The following MINAR1 variants were observed in gnomAD, a reference collection of about 807,000 sequenced individuals.
The protein encoded by MINAR1 is major intrinsically disordered Notch2-binding receptor 1.
Under a neutral mutation model 65.1 loss-of-function variants are expected in MINAR1, and 40 were observed. The ratio of observed to expected loss-of-function variants is 0.61; its 90% CI spans 0.48 to 0.80. MINAR1 has a LOEUF of 0.80. Ranked by LOEUF, MINAR1 falls within the 30% of genes least tolerant of loss-of-function variation. The pLI, the probability that MINAR1 is intolerant of heterozygous loss-of-function variation, is 0.00. For missense variants in MINAR1, 1,128 were observed against 1,148.0 expected (o/e 0.98, Z 0.25); for synonymous variants, 482 against 449.1 (o/e 1.07, Z -0.93).
intron 1 of MINAR1, among the ~76,000 whole-genome samples, chr15:79,453,371 C>T (rs1018310115): frequency 1.3e-5 from 2 of 152,100 alleles, no homozygotes; most frequent in African/African-American, 4.8e-5. Context: ...ATACAGGACC[C>T]CCAGCAACTC....
At position 79,457,228 on chromosome 15, in the gene MINAR1, C is replaced by G. The variant is rs1202714758; in HGVS notation, c.1081C>G (p.Gln361Glu). 1 of 1,614,058 alleles carries G rather than the reference C, an allele frequency of 6.2e-7. No homozygotes were observed. Among genetic ancestry groups the G allele is most frequent in the East Asian group, 2.2e-5 (1 of 44,870 alleles). ...ARRCLGKPNK[Q>E]TPWPAKSWSL... ...GCGCTGTCTAGGGAAGCCCAACAAG[C>G]AGACTCCCTGGCCAGCCAAAAGCTG... Residue 361 changes from glutamine (Q) to glutamate (E), a missense_variant, in exon 2 of 4, where the codon CAG becomes GAG. Coordinates refer to ENST00000305428, the MANE Select transcript of MINAR1 (RefSeq NM_015206.3).
chr15:79,437,273 C>T (rs948444267), intron 1 of MINAR1, among the ~76,000 whole-genome samples: 10 of 152,108 alleles, frequency 6.6e-5, no homozygotes, highest in Admixed American at 2.0e-4. Context: ...CTTTTGGCTA[C>T]GTGAGTGCAG....
upstream of MINAR1, among the ~76,000 whole-genome samples, chr15:79,428,615 A>G (rs927798128): frequency 1.3e-5 from 2 of 151,240 alleles, no homozygotes; most frequent in African/African-American, 4.9e-5. Flanking sequence ...TCCACTTTCC[A>G]TTTATCTCAT....
chr15:79,452,226 TATGA>T (rs1895231331), intron 1 of MINAR1, among the ~76,000 whole-genome samples: 1 of 151,914 alleles, frequency 6.6e-6, no homozygotes, highest in Non-Finnish European at 1.5e-5. Flanking sequence ...TGAGAGTGTG[TATGA>T]ATGTGTTGTG....
In MINAR1 at chr15:79,452,558, CTGTG is replaced by C. The variant is rs1036019442; in HGVS notation, c.-50-3533_-50-3530del. Reference sequence around the variant, plus strand: ...AGTGTGTGGGTGTGTGTGGGTGAGTCTGTGTGTGTGAGTGTATGGGTGAGTCTGT... The same window carrying C: ...AGTGTGTGGGTGTGTGTGGGTGAGTCTGTGTGAGTGTATGGGTGAGTCTGT... On this transcript the variant is annotated intron_variant, in intron 1 of 3. Coordinates refer to ENST00000305428, the MANE Select transcript of MINAR1 (RefSeq NM_015206.3). Among the ~76,000 whole-genome samples, 38 of 123,974 alleles carry C rather than the reference CTGTG, an allele frequency of 3.1e-4. No homozygotes were observed. The East Asian group carries it at 4.6e-3, about 15-fold the overall frequency. 81.3% of individuals were successfully genotyped at this position (123,974 alleles called of 152,430 possible). A position where few individuals can be genotyped will look rare whatever the true frequency, so the allele number is the denominator to read the frequency against.
rs1467345559 is a variant in MINAR1, at chr15:79,469,474, C to T, written c.*1090C>T. 1 of 152,526 alleles carries T rather than the reference C, an allele frequency of 6.6e-6. No homozygotes were observed. The highest frequency in any genetic ancestry group is 1.5e-5 in the Non-Finnish European group (1 of 68,042). The allele number at this position is 152,526 out of a possible 1,614,324, so 9.4% of individuals were successfully genotyped here. A position where few individuals can be genotyped will look rare whatever the true frequency, so the allele number is the denominator to read the frequency against. On this transcript the variant is annotated 3_prime_UTR_variant, in exon 4 of 4. Coordinates refer to ENST00000305428, the MANE Select transcript of MINAR1 (RefSeq NM_015206.3). The stretch of plus-strand genomic sequence containing the variant: ...GTCTTCTCAGTTACCCCAACACCTA[C>T]TCCAGAGTTTTGAATACTTGTCAGC...
chr15:79,466,704 G>A (rs550935545), intron 3 of MINAR1, among the ~76,000 whole-genome samples: 3 of 152,322 alleles, frequency 2.0e-5, no homozygotes, highest in East Asian at 1.9e-4. Flanking sequence ...CAGGGCCTGC[G>A]GGTTGTCAGT....
chr15:79,426,323 A>T, the MINAR1 span: 1 of 152,196 alleles, frequency 6.6e-6, no homozygotes, highest in Non-Finnish European at 1.5e-5. Flanking sequence ...CTGTCACCAG[A>T]TTCTTTCACA....
chr15:79,468,072 T>A lies in MINAR1; in HGVS notation c.2554-115T>A, dbSNP rs77898486. Reference sequence around the variant, plus strand: ...GGTGGGGCAGTGTTATGCAATACAGTCTCTAACTCCCAGCTGCAGACAACT... The same window carrying A: ...GGTGGGGCAGTGTTATGCAATACAGACTCTAACTCCCAGCTGCAGACAACT... On this transcript the variant is annotated intron_variant, in intron 3 of 3. Transcript: ENST00000305428. 821 of 774,514 alleles carry A rather than the reference T, an allele frequency of 1.1e-3. 3 individuals are homozygous for A. The African/African-American group carries it at 0.012, about 12-fold the overall frequency. 48.0% of individuals were successfully genotyped at this position (774,514 alleles called of 1,614,324 possible). A position where few individuals can be genotyped will look rare whatever the true frequency, so the allele number is the denominator to read the frequency against.
chr15:79,460,435 C>A (rs1395459946), intron 2 of MINAR1, among the ~76,000 whole-genome samples: 1 of 152,176 alleles, frequency 6.6e-6, no homozygotes, highest in Non-Finnish European at 1.5e-5. Flanking sequence ...TCTAGCAATC[C>A]TCCAAACTGA....
chr15:79,421,056 ATCC>A, the MINAR1 span: 1 of 152,228 alleles, frequency 6.6e-6, no homozygotes. Context: ...GTGGAATTAA[ATCC>A]TCCTCTTCAA....
intron 1 of MINAR1, among the ~76,000 whole-genome samples, chr15:79,455,655 T>C (rs1374708617): frequency 6.6e-6 from 1 of 152,224 alleles, no homozygotes; most frequent in African/African-American, 2.4e-5. Flanking sequence ...CTCTGGCTTC[T>C]TCCACCCACA....
chr15:79,462,040 TTTTCTC>T (rs1856347042), intron 2 of MINAR1, among the ~76,000 whole-genome samples: 1 of 152,228 alleles, frequency 6.6e-6, no homozygotes, highest in Non-Finnish European at 1.5e-5. Flanking sequence ...CTTTTTTCCT[TTTTCTC>T]TTGCTATTAC....
intron 3 of MINAR1, among the ~76,000 whole-genome samples, chr15:79,467,066 A>T (rs1432339817): frequency 6.6e-6 from 1 of 152,238 alleles, no homozygotes; most frequent in Non-Finnish European, 1.5e-5. Flanking sequence ...TCCTAGGGGC[A>T]CAGAGCAAGA....
chr15:79,433,711 T>G (rs1894517200), intron 1 of MINAR1, among the ~76,000 whole-genome samples: 1 of 152,212 alleles, frequency 6.6e-6, no homozygotes, highest in Non-Finnish European at 1.5e-5. Context: ...CTGCCACTGC[T>G]ACCTCTCTCT....
At chr15:79,463,506 G>A (rs1222910564) in intron 3 of MINAR1, among the ~76,000 whole-genome samples, 185 bp downstream of exon 3, 2 of 152,174 alleles carry the variant, frequency 1.3e-5, no homozygotes, top group African/African-American at 2.4e-5. Context: ...CAAGGGGATC[G>A]TTGTTTTGCT....
the MINAR1 span, chr15:79,426,267 T>C: frequency 6.6e-6 from 1 of 152,228 alleles, no homozygotes; most frequent in Non-Finnish European, 1.5e-5. Context: ...ACTCAGACCA[T>C]TGTACCCTGG....
In MINAR1 at chr15:79,472,010, T is replaced by C. The variant is rs1896104011; in HGVS notation, c.*3626T>C. 6.6e-6 allele frequency: 1 copy of C among 152,288 alleles called. No homozygotes were observed. The highest frequency in any genetic ancestry group is 2.4e-5 in the African/African-American group (1 of 41,448). The allele number at this position is 152,288 out of a possible 1,614,324, so 9.4% of individuals were successfully genotyped here. A position where few individuals can be genotyped will look rare whatever the true frequency, so the allele number is the denominator to read the frequency against. On this transcript the variant is annotated 3_prime_UTR_variant, in exon 4 of 4. Coordinates refer to ENST00000305428, the MANE Select transcript of MINAR1 (RefSeq NM_015206.3). ...TGCAACAAACTTCCTTATTTATGCC[T>C]TATGAATAAAAGAGTGTGGAATGTA...
chr15:79,451,708 G>A (rs1895208513), intron 1 of MINAR1, among the ~76,000 whole-genome samples: 1 of 152,248 alleles, frequency 6.6e-6, no homozygotes, highest in Non-Finnish European at 1.5e-5. Context: ...GAAGCCAGGT[G>A]GGATGGAAGT....
Sources: gnomAD v4.1 joint callset for allele counts (sites outside exome capture counted in the v4.1 genomes callset) on GRCh38, gnomAD v4.1.1 for gene constraint, MANE v1.5 for transcripts, NCBI Gene and HGNC (gene_info 2026-07-23, HGNC 2026-07-21) for gene names.